RUNX3: variants seen among roughly 807,000 people sequenced by gnomAD.
RUNX3 encodes RUNX family transcription factor 3, also known as runt-related transcription factor 3.
A neutral mutation model predicts 27.7 loss-of-function variants in RUNX3; 10 were observed. The observed-to-expected ratio is 0.36, with a 90% CI of 0.22 to 0.61. The LOEUF (loss-of-function observed/expected upper bound fraction) is 0.61. Ranked by LOEUF, RUNX3 falls within the 20% of genes least tolerant of loss-of-function variation. The pLI, the probability that RUNX3 is intolerant of heterozygous loss-of-function variation, is 0.72. For missense variants in RUNX3, 469 were observed against 629.5 expected (o/e 0.75, Z 2.73); for synonymous variants, 270 against 269.2 (o/e 1.00, Z -0.03).
At chr1:24,957,121 C>T (rs776327858) in intron 2 of RUNX3, among the ~76,000 whole-genome samples, 3 of 152,232 alleles carry the variant, frequency 2.0e-5, no homozygotes, top group African/African-American at 2.4e-5. Context: ...TCCGCCCACA[C>T]GTAAGTCTGA....
At chr1:24,948,409 A>T (rs1162903882) in intron 2 of RUNX3, among the ~76,000 whole-genome samples, 2 of 152,160 alleles carry the variant, frequency 1.3e-5, no homozygotes, top group Admixed American at 1.3e-4. Context: ...GAGGCCTAAC[A>T]TGGTGGCAGG....
Position 24,919,592 on chromosome 1 carries a change from T to C in RUNX3, c.440-248A>G, listed in dbSNP as rs550955798. Among the ~76,000 whole-genome samples the C allele has an allele frequency of 5.9e-5, 9 of 152,084 alleles. No homozygotes were observed. In the South Asian group the frequency reaches 1.7e-3, roughly 28 times the overall value. ...CCCATGCCGTGACCACCCTGGCTCA[T>C]GTTCCCCTCTTCTTGGCCTTTCTGC... On this transcript the variant is annotated intron_variant, in intron 2 of 4. Transcript: ENST00000308873.
At chr1:24,922,195 CTTTT>C (rs1283635731) in intron 2 of RUNX3, among the ~76,000 whole-genome samples, 1 of 132,554 alleles carries the variant, frequency 7.5e-6, no homozygotes, top group Non-Finnish European at 1.6e-5. Flanking sequence ...TCCTTTCTTT[CTTTT>C]TTTTTTTTTT....
At chr1:24,929,213 C>A (rs1339998385) in intron 1 of RUNX3, 7 of 510,010 alleles carry the variant, frequency 1.4e-5, no homozygotes, top group Admixed American at 2.3e-5. Flanking sequence ...ACCGTTCGCA[C>A]CCCACCCGCG....
rs1557832538 is a variant in RUNX3 at position 24,900,417 on chromosome 1, G to A, written c.*1705C>T. ...GCAGATTTCTGCATCCACAGAGGCC[G>A]AGGCAGAAAGTTAAAATACCGCATG... On this transcript the variant is annotated 3_prime_UTR_variant, in exon 5 of 5. Coordinates refer to ENST00000308873, the MANE Select transcript of RUNX3 (RefSeq NM_004350.3). The A allele has an allele frequency of 6.6e-6, 1 of 152,384 alleles. No homozygotes were observed. Among genetic ancestry groups the A allele is most frequent in the African/African-American group, 2.4e-5 (1 of 41,466 alleles). 9.4% of individuals were successfully genotyped at this position (152,384 alleles called of 1,614,324 possible). A position where few individuals can be genotyped will look rare whatever the true frequency, so the allele number is the denominator to read the frequency against.
At position 24,923,362 on chromosome 1, in the gene RUNX3, C is replaced by T. The variant is rs529616239; in HGVS notation, c.440-4018G>A. On this transcript the variant is annotated intron_variant, in intron 2 of 4. Transcript: ENST00000308873. The surrounding 1 kb of genome is among the most constrained non-coding windows in gnomAD (Gnocchi z 5.9). Reference sequence around the variant, plus strand: ...TGCCCCTCAGCTACCCCGGCCCTGCCCAGCTCTCTCTCTGCCTGGCAGTGG... The same window carrying T: ...TGCCCCTCAGCTACCCCGGCCCTGCTCAGCTCTCTCTCTGCCTGGCAGTGG... 1.1e-4 allele frequency among the ~76,000 whole-genome samples: 16 copies of T among 152,238 alleles called. 1 individual carries two copies. Among genetic ancestry groups the T allele is most frequent in the African/African-American group, 3.9e-4 (16 of 41,548 alleles).
chr1:24,938,824 G>T (rs1641408401), intron 2 of RUNX3, among the ~76,000 whole-genome samples: 1 of 152,124 alleles, frequency 6.6e-6, no homozygotes, highest in African/African-American at 2.4e-5. Context: ...CTTGGAAACA[G>T]GGAGTCCAGG....
chr1:24,907,217 C>T lies in RUNX3; in HGVS notation c.703+42G>A, dbSNP rs1193373888. The stretch of plus-strand genomic sequence containing the variant: ...GATTGGACCACATCGAGGCCCTCCA[C>T]CCCCACCTCACCCCGCTGCAGCCCC... On this transcript the variant is annotated intron_variant, in intron 4 of 4. Transcript: ENST00000308873. 6 of 1,589,762 alleles carry T rather than the reference C, an allele frequency of 3.8e-6. No individual in the cohort carries two copies. In the African/African-American group the frequency reaches 6.7e-5, roughly 18 times the overall value.
intron 3 of RUNX3, among the ~76,000 whole-genome samples, chr1:24,907,681 TACAACACGCGGTGATCTAAAC>T (rs1640694932): frequency 1.3e-5 from 2 of 150,730 alleles, no homozygotes; most frequent in African/African-American, 4.9e-5. Context: ...TCTAAACCTC[TACAACACGCGGTGATCTAAAC>T]CTCTACAACA....
At chr1:24,939,922 C>G (rs1641437421) in intron 2 of RUNX3, among the ~76,000 whole-genome samples, 1 of 152,254 alleles carries the variant, frequency 6.6e-6, no homozygotes, top group Admixed American at 6.5e-5. Context: ...CCTAGGCCAA[C>G]ACATGGCCTC....
chr1:24,912,135 A>G (rs943090445), intron 3 of RUNX3, among the ~76,000 whole-genome samples: 10 of 152,238 alleles, frequency 6.6e-5, no homozygotes, highest in Non-Finnish European at 1.3e-4. Context: ...TCGGTTACCC[A>G]GAGCAAGAGC....
chr1:24,940,797 G>A (rs536755619), intron 2 of RUNX3, among the ~76,000 whole-genome samples: 11 of 152,082 alleles, frequency 7.2e-5, no homozygotes, highest in African/African-American at 2.4e-4. Flanking sequence ...AGTAGGGAGA[G>A]GGATGCAGTC....
Position 24,907,380 on chromosome 1 carries a change from G to C in RUNX3, c.582C>G (p.Phe194Leu). ...RQKLEDQTKP[F>L]PDRFGDLERL... Reference sequence around the variant, plus strand: ...GTTCCAGGTCCCCAAAGCGGTCAGGGAACGGCTTGGTCTGGTCCTCCAGCT... The same window carrying C: ...GTTCCAGGTCCCCAAAGCGGTCAGGCAACGGCTTGGTCTGGTCCTCCAGCT... Residue 194 changes from phenylalanine (F) to leucine (L), a missense_variant, in exon 4 of 5, where the codon TTC (phenylalanine) becomes TTG (leucine). By Grantham distance (22) the Phe-to-Leu change is conservative. Transcript: ENST00000308873. The C allele has an allele frequency of 6.2e-7, 1 of 1,613,888 alleles. No individual in the cohort carries two copies.
At chr1:24,957,917 G>A (rs185828600) in intron 2 of RUNX3, among the ~76,000 whole-genome samples, 87 of 152,372 alleles carry the variant, frequency 5.7e-4, no homozygotes, top group Non-Finnish European at 6.5e-4. Flanking sequence ...CTTTCTCTCC[G>A]AAGAGTGCCT....
At chr1:24,936,175 C>A (rs969742711) in intron 2 of RUNX3, among the ~76,000 whole-genome samples, 1 of 152,210 alleles carries the variant, frequency 6.6e-6, no homozygotes. Context: ...TCAGCTCTGG[C>A]GGGCAGGGAG....
At chr1:24,936,348 G>A (rs1249038316) in intron 2 of RUNX3, among the ~76,000 whole-genome samples, 1 of 152,194 alleles carries the variant, frequency 6.6e-6, no homozygotes, top group African/African-American at 2.4e-5. Flanking sequence ...AACCACAGGG[G>A]TAGGATTCCA....
Position 24,901,037 on chromosome 1 carries a change from T to TTG in RUNX3, c.*1084_*1085insCA, listed in dbSNP as rs1557833052. On this transcript the variant is annotated 3_prime_UTR_variant, in exon 5 of 5. Transcript: ENST00000308873. ...GTTTTGTTTTTTTTTTGTTTTTTTGTTTTTTTTTTTTTTTTGCTCAGGACT... is the reference window on the plus strand; with the variant it reads ...GTTTTGTTTTTTTTTTGTTTTTTTGTTGTTTTTTTTTTTTTTTGCTCAGGACT... 1 of 111,836 alleles carries TTG rather than the reference T, an allele frequency of 8.9e-6. No homozygotes were observed. The highest frequency in any genetic ancestry group is 5.1e-5 in the African/African-American group (1 of 19,616). 6.9% of individuals were successfully genotyped at this position (111,836 alleles called of 1,614,324 possible).
intron 2 of RUNX3, among the ~76,000 whole-genome samples, chr1:24,958,565 G>A (rs978105141): frequency 6.6e-6 from 1 of 152,186 alleles, no homozygotes; most frequent in Non-Finnish European, 1.5e-5. Context: ...CTAGGCCCGA[G>A]ATTCCCATCC....
intron 2 of RUNX3, among the ~76,000 whole-genome samples, chr1:24,926,111 C>T (rs1219225245): frequency 1.3e-5 from 2 of 152,212 alleles, no homozygotes; most frequent in African/African-American, 4.8e-5. Context: ...CGCCTCGCAA[C>T]AGGCAGCAGC....
Sources: allele counts gnomAD v4.1 joint callset (sites outside exome capture counted in the v4.1 genomes callset), GRCh38; gene constraint gnomAD v4.1.1; non-coding constraint Gnocchi (gnomAD v3.1); transcripts MANE v1.5; gene names NCBI Gene and HGNC (gene_info 2026-07-23, HGNC 2026-07-21).